MRPS28: variants seen among roughly 807,000 people sequenced by gnomAD.
MRPS28 encodes small ribosomal subunit protein bS1m.
MRPS28 carries 7 observed loss-of-function variants against 10.8 expected under a neutral mutation model. That is an observed-to-expected ratio of 0.65 (90% CI 0.37 to 1.22). The LOEUF is 1.22. Ranked by LOEUF, MRPS28 falls within the 50% of genes most tolerant of loss-of-function variation. The pLI is 0.02. For missense variants in MRPS28, 265 were observed against 232.9 expected (o/e 1.14, Z -0.90); for synonymous variants, 121 against 93.3 (o/e 1.30, Z -1.71).
At chr8:79,982,005 G>A (rs182942086) in intron 2 of MRPS28, among the ~76,000 whole-genome samples, 5 of 152,170 alleles carry the variant, frequency 3.3e-5, no homozygotes, top group African/African-American at 4.8e-5. Context: ...CAGCACTTTG[G>A]GGGGGCCAAG....
intron 2 of MRPS28, among the ~76,000 whole-genome samples, chr8:79,919,880 G>T (rs1810028218): frequency 6.6e-6 from 1 of 151,950 alleles, no homozygotes; most frequent in Non-Finnish European, 1.5e-5. Context: ...CATGTGCCAT[G>T]TTGGTGTGCT....
intron 2 of MRPS28, among the ~76,000 whole-genome samples, chr8:79,926,538 G>A (rs944073068): frequency 1.3e-5 from 2 of 152,132 alleles, no homozygotes; most frequent in South Asian, 4.1e-4. Flanking sequence ...AAGTACAATA[G>A]GCAACCAAAA....
intron 2 of MRPS28, among the ~76,000 whole-genome samples, chr8:79,946,117 T>TTG (rs1244238190): frequency 6.6e-6 from 1 of 152,162 alleles, no homozygotes; most frequent in Non-Finnish European, 1.5e-5. Context: ...ATGCTCCATA[T>TTG]AAAATACCAA....
chr8:79,944,619 G>C (rs1222073689), intron 2 of MRPS28, among the ~76,000 whole-genome samples: 1 of 151,922 alleles, frequency 6.6e-6, no homozygotes, highest in African/African-American at 2.4e-5. Flanking sequence ...CACTGGCTTA[G>C]GTCAATGTGG....
chr8:79,936,170 A>T (rs1005693512), intron 2 of MRPS28, among the ~76,000 whole-genome samples: 4 of 151,814 alleles, frequency 2.6e-5, no homozygotes, highest in Non-Finnish European at 5.9e-5. Flanking sequence ...AACACAAAAA[A>T]TTTAAAAATT....
At chr8:79,932,718 C>T (rs1350172959) in intron 2 of MRPS28, among the ~76,000 whole-genome samples, 3 of 152,176 alleles carry the variant, frequency 2.0e-5, no homozygotes, top group African/African-American at 7.2e-5. Context: ...AAGTGCTAAT[C>T]AGGAAACTTA....
chr8:79,972,458 C>G (rs1344582673), intron 2 of MRPS28, among the ~76,000 whole-genome samples: 1 of 152,102 alleles, frequency 6.6e-6, no homozygotes, highest in Non-Finnish European at 1.5e-5. Context: ...CATCTGTGTA[C>G]AAGTTTTTGA....
chr8:79,986,179 T>A (rs201290368), intron 2 of MRPS28, among the ~76,000 whole-genome samples: 4 of 152,220 alleles, frequency 2.6e-5, no homozygotes, highest in South Asian at 2.1e-4. Context: ...CAAAAACCAC[T>A]TGATTATCTC....
intron 1 of MRPS28, among the ~76,000 whole-genome samples, chr8:80,017,459 A>G (rs759853346): frequency 6.6e-6 from 1 of 152,226 alleles, no homozygotes; most frequent in Non-Finnish European, 1.5e-5. Flanking sequence ...ACATTAAAGA[A>G]ATACTATAAA....
chr8:80,007,073 A>G (rs1808871163), intron 1 of MRPS28, among the ~76,000 whole-genome samples: 1 of 152,228 alleles, frequency 6.6e-6, no homozygotes, highest in Non-Finnish European at 1.5e-5. Context: ...CTTATCCACC[A>G]TGATCAAGTA....
chr8:79,989,063 C>G (rs559391812), intron 2 of MRPS28, among the ~76,000 whole-genome samples: 1 of 152,048 alleles, frequency 6.6e-6, no homozygotes, highest in Admixed American at 6.6e-5. Context: ...GGCAGGTAAC[C>G]AGATGTCCCT....
At chr8:80,006,813 C>A (rs191868853) in intron 1 of MRPS28, among the ~76,000 whole-genome samples, 2 of 152,082 alleles carry the variant, frequency 1.3e-5, no homozygotes, top group Admixed American at 1.3e-4. Flanking sequence ...CAGGACCAGA[C>A]GGATTCACAG....
At chr8:79,923,383 TAG>T (rs1449575583) in intron 2 of MRPS28, among the ~76,000 whole-genome samples, 1 of 152,202 alleles carries the variant, frequency 6.6e-6, no homozygotes, top group East Asian at 1.9e-4. Context: ...TATCACTCCA[TAG>T]AGTCTTATAA....
At chr8:79,977,596 C>T (rs1183969541) in intron 2 of MRPS28, among the ~76,000 whole-genome samples, 1 of 152,144 alleles carries the variant, frequency 6.6e-6, no homozygotes, top group African/African-American at 2.4e-5. Flanking sequence ...GTAGGCAGAT[C>T]ACTTGAGACC....
intron 1 of MRPS28, among the ~76,000 whole-genome samples, chr8:80,022,733 T>C (rs966229843): frequency 1.3e-5 from 2 of 152,194 alleles, no homozygotes; most frequent in African/African-American, 4.8e-5. Flanking sequence ...GATAAAAAAC[T>C]TAAGGGCCAT....
chr8:79,971,977 G>A (rs959127924), intron 2 of MRPS28, among the ~76,000 whole-genome samples: 1 of 152,110 alleles, frequency 6.6e-6, no homozygotes, highest in African/African-American at 2.4e-5. Flanking sequence ...TGGGATTACC[G>A]GTGTGAGCCA....
At chr8:80,028,664 C>CGGGGGGG (rs1278468176) in intron 1 of MRPS28, 2 of 7,062 alleles carry the variant, frequency 2.8e-4, no homozygotes, top group East Asian at 4.9e-3. Context: ...GGGGCGGGGC[C>CGGGGGGG]GGGCGGGGTC....
chr8:79,956,693 T>C (rs1807222969), intron 2 of MRPS28: 1 of 152,182 alleles, frequency 6.6e-6, no homozygotes, highest in Non-Finnish European at 1.5e-5. Context: ...TAATAAATTC[T>C]TATCATTTAT....
At chr8:80,022,116 T>C (rs1563545460) in intron 1 of MRPS28, among the ~76,000 whole-genome samples, 1 of 152,184 alleles carries the variant, frequency 6.6e-6, no homozygotes. Flanking sequence ...TCCTAACTCC[T>C]AGTAAGCACT....
Sources: allele counts gnomAD v4.1 joint callset (sites outside exome capture counted in the v4.1 genomes callset), GRCh38; gene constraint gnomAD v4.1.1; transcripts MANE v1.5; gene names NCBI Gene and HGNC (gene_info 2026-07-23, HGNC 2026-07-21).